Variants in RORB observed in about 807,000 individuals in gnomAD.
The protein encoded by RORB is RAR related orphan receptor B.
RORB carries 6 observed loss-of-function variants against 59.1 expected under a neutral mutation model. The observed-to-expected ratio is 0.10, with a 90% CI of 0.06 to 0.20. The LOEUF (loss-of-function observed/expected upper bound fraction) is 0.20, where lower values mean the gene tolerates loss of function less well. Among genes scored for constraint, RORB ranks in the 10% least tolerant of loss-of-function variants. RORB has a pLI of 1.00. For missense variants in RORB, 320 were observed against 560.5 expected (o/e 0.57, Z 4.33); for synonymous variants, 215 against 204.5 (o/e 1.05, Z -0.44).
At chr9:74,592,156 C>T (rs1019538943) in intron 1 of RORB, among the ~76,000 whole-genome samples, 1 of 152,134 alleles carries the variant, frequency 6.6e-6, no homozygotes, top group Non-Finnish European at 1.5e-5. Context: ...CTTCAGGATT[C>T]TCACATCCCT....
chr9:74,499,577 C>T (rs1219996477), intron 1 of RORB, among the ~76,000 whole-genome samples: 7 of 152,160 alleles, frequency 4.6e-5, no homozygotes, highest in African/African-American at 1.7e-4. Flanking sequence ...CGTGTGTGTG[C>T]GCGCTGGCTC....
intron 1 of RORB, among the ~76,000 whole-genome samples, chr9:74,505,173 A>G (rs1351288172): frequency 6.6e-6 from 1 of 152,086 alleles, no homozygotes; most frequent in African/African-American, 2.4e-5. Context: ...TTTAATTTTA[A>G]TTTTCTGACC....
In RORB at chr9:74,688,753, G is replaced by A. The variant is rs1179214309; in HGVS notation, c.*3135G>A. ...AAACTAGATTGACTTATTTGGACTT[G>A]CTGAAAAGTTGCACCCAAGTAAGGA... On this transcript the variant is annotated 3_prime_UTR_variant, in exon 10 of 10. Coordinates refer to ENST00000376896, the MANE Select transcript of RORB (RefSeq NM_006914.4). 6.6e-6 allele frequency: 1 copy of A among 152,148 alleles called. No individual in the cohort carries two copies. Among genetic ancestry groups the A allele is most frequent in the Non-Finnish European group, 1.5e-5 (1 of 68,024 alleles). 9.4% of individuals were successfully genotyped at this position (152,148 alleles called of 1,614,324 possible). A position where few individuals can be genotyped will look rare whatever the true frequency, so the allele number is the denominator to read the frequency against.
intron 2 of RORB, among the ~76,000 whole-genome samples, chr9:74,633,559 A>C (rs1013393922): frequency 6.6e-6 from 1 of 152,240 alleles, no homozygotes; most frequent in Non-Finnish European, 1.5e-5. Flanking sequence ...ATTCAAAAGC[A>C]AAGAGTAATT....
At chr9:74,648,296 G>A (rs1209098333) in intron 4 of RORB, among the ~76,000 whole-genome samples, 1 of 152,202 alleles carries the variant, frequency 6.6e-6, no homozygotes, top group Non-Finnish European at 1.5e-5. Flanking sequence ...AGTACATTGA[G>A]ATTGGGGGTC....
At chr9:74,548,840 T>G (rs1294049617) in intron 1 of RORB, among the ~76,000 whole-genome samples, 2 of 152,260 alleles carry the variant, frequency 1.3e-5, no homozygotes, top group Non-Finnish European at 2.9e-5. Context: ...GAAAATATTC[T>G]AAGGATTTTT....
chr9:74,558,122 A>G (rs535199597), intron 1 of RORB, among the ~76,000 whole-genome samples: 10 of 152,224 alleles, frequency 6.6e-5, no homozygotes, highest in Non-Finnish European at 1.3e-4. Context: ...AAATATTGCT[A>G]TTTTTAAAAC....
At chr9:74,549,724 G>A (rs1289497084) in intron 1 of RORB, among the ~76,000 whole-genome samples, 1 of 151,850 alleles carries the variant, frequency 6.6e-6, no homozygotes, top group African/African-American at 2.4e-5. Flanking sequence ...TTGACTGCTT[G>A]TAGGATTATG....
At chr9:74,674,449 G>A (rs556349852) in intron 9 of RORB, among the ~76,000 whole-genome samples, 15 of 152,292 alleles carry the variant, frequency 9.8e-5, no homozygotes, top group Non-Finnish European at 2.1e-4. Context: ...TCTGTGTCGT[G>A]TGCAAAAGAT....
At chr9:74,660,867 C>CCTG in intron 5 of RORB, 129 bp downstream of exon 5, 1 of 913,342 alleles carries the variant, frequency 1.1e-6, no homozygotes, top group East Asian at 2.7e-5. Context: ...TTGTTCGATA[C>CCTG]TTACCAGCAT....
At chr9:74,635,663 T>C (rs1823689203) in intron 3 of RORB, among the ~76,000 whole-genome samples, 2 of 152,122 alleles carry the variant, frequency 1.3e-5, no homozygotes, top group Non-Finnish European at 2.9e-5. Flanking sequence ...TTGAATAAAC[T>C]ATGGAAATCC....
chr9:74,629,613 T>C (rs188148594), intron 1 of RORB, among the ~76,000 whole-genome samples: 2 of 152,180 alleles, frequency 1.3e-5, no homozygotes, highest in Admixed American at 6.5e-5. Context: ...TCAGTTTGTA[T>C]TGAATTCATA....
intron 4 of RORB, among the ~76,000 whole-genome samples, chr9:74,659,481 C>CTTG (rs1824144478): frequency 6.6e-6 from 1 of 151,860 alleles, no homozygotes. Flanking sequence ...TCACAGCAGG[C>CTTG]TTGTTTTGTT....
chr9:74,637,639 T>C (rs567076304), intron 3 of RORB, among the ~76,000 whole-genome samples: 3 of 152,256 alleles, frequency 2.0e-5, no homozygotes, highest in African/African-American at 7.2e-5. Context: ...GATAACTGTT[T>C]CCAATTGTGC....
intron 1 of RORB, among the ~76,000 whole-genome samples, chr9:74,554,801 T>A (rs745901788): frequency 1.3e-5 from 2 of 152,196 alleles, no homozygotes; most frequent in Non-Finnish European, 2.9e-5. Context: ...TCTCTGCTAG[T>A]AAGATGGCAT....
intron 1 of RORB, 162 bp downstream of exon 1, chr9:74,498,145 A>C: frequency 1.2e-6 from 1 of 804,280 alleles, no homozygotes. Flanking sequence ...GCCTGGGCGT[A>C]GAAAGTTGCG....
intron 3 of RORB, among the ~76,000 whole-genome samples, chr9:74,637,644 T>C (rs2118445010): frequency 6.6e-6 from 1 of 152,224 alleles, no homozygotes; most frequent in East Asian, 1.9e-4. Flanking sequence ...CTGTTTCCAA[T>C]TGTGCTACTA....
intron 4 of RORB, among the ~76,000 whole-genome samples, chr9:74,654,333 G>GGAGAGAGAGA (rs60137307): frequency 2.2e-5 from 3 of 138,616 alleles, no homozygotes; most frequent in African/African-American, 8.0e-5. Context: ...CAGTCTCAGG[G>GGAGAGAGAGA]GAGAGAGAGA....
chr9:74,615,656 C>T (rs781493458), intron 1 of RORB: 1 of 452,982 alleles, frequency 2.2e-6, no homozygotes, highest in South Asian at 1.6e-5. Context: ...TTTACATTTT[C>T]TTCTCTCTTC....
Sources: allele counts gnomAD v4.1 joint callset (sites outside exome capture counted in the v4.1 genomes callset), GRCh38; gene constraint gnomAD v4.1.1; transcripts MANE v1.5; gene names NCBI Gene and HGNC (gene_info 2026-07-23, HGNC 2026-07-21).